The following GNA14 variants were observed in gnomAD, a reference collection of about 807,000 sequenced individuals.
GNA14 encodes guanine nucleotide-binding protein subunit alpha-14.
A neutral mutation model predicts 42.0 loss-of-function variants in GNA14; 50 were observed. The ratio of observed to expected loss-of-function variants is 1.19; its 90% CI spans 0.95 to 1.51. The LOEUF (loss-of-function observed/expected upper bound fraction) is 1.51. Ranked by LOEUF, GNA14 falls within the 40% of genes most tolerant of loss-of-function variation. GNA14 has a pLI of 0.00. For missense variants in GNA14, 473 were observed against 446.2 expected, an observed-to-expected ratio of 1.06 and a Z score of -0.54; for synonymous variants, 173 against 163.1, an observed-to-expected ratio of 1.06 and a Z score of -0.46.
intron 2 of GNA14, among the ~76,000 whole-genome samples, chr9:77,452,241 G>A (rs761313893): frequency 5.9e-5 from 9 of 152,136 alleles, no homozygotes; most frequent in Non-Finnish European, 8.8e-5. Context: ...GACGTGTGAG[G>A]CAGACAGATT....
rs112340519 is a variant in GNA14 at position 77,614,559 on chromosome 9, G to C, written c.124+33111C>G. ...TTCTCAGTCTATGAAACGCCAACAA[G>C]GAGATGGATTCTTCGTTTTCACAAT... On this transcript the variant is annotated intron_variant, in intron 1 of 6. Coordinates refer to ENST00000341700, the MANE Select transcript of GNA14 (RefSeq NM_004297.4). 4.9e-3 allele frequency among the ~76,000 whole-genome samples: 753 copies of C among 152,236 alleles called. 6 individuals are homozygous for C. Among genetic ancestry groups the C allele is most frequent in the African/African-American group, 0.017 (725 of 41,522 alleles).
At chr9:77,544,580 G>A (rs1837697105) in intron 1 of GNA14, among the ~76,000 whole-genome samples, 1 of 150,292 alleles carries the variant, frequency 6.7e-6, no homozygotes, top group East Asian at 2.0e-4. Flanking sequence ...GCATGTGCCT[G>A]TAGACCCAGC....
At chr9:77,582,180 A>T (rs1329077680) in intron 1 of GNA14, among the ~76,000 whole-genome samples, 1 of 152,232 alleles carries the variant, frequency 6.6e-6, no homozygotes, top group African/African-American at 2.4e-5. Flanking sequence ...CCAAGGCAAG[A>T]ACGCTTCCAA....
intron 1 of GNA14, among the ~76,000 whole-genome samples, chr9:77,591,902 C>T (rs926929355): frequency 1.9e-4 from 28 of 144,752 alleles, no homozygotes; most frequent in African/African-American, 6.4e-4. Context: ...TGTCCAGCAC[C>T]GTTTTTTGTT....
chr9:77,634,474 A>G (rs867798889), intron 1 of GNA14, among the ~76,000 whole-genome samples: 2 of 142,382 alleles, frequency 1.4e-5, no homozygotes, highest in Admixed American at 6.9e-5. Context: ...GAAGGAGGGA[A>G]GGAAGGAAGG....
At chr9:77,625,712 C>T (rs547077606) in intron 1 of GNA14, among the ~76,000 whole-genome samples, 173 of 152,260 alleles carry the variant, frequency 1.1e-3, no homozygotes, top group African/African-American at 4.2e-3. Flanking sequence ...ACCAGGCCTG[C>T]CTTAGAAGAG....
rs200703217 is a variant in GNA14 at position 77,634,470 on chromosome 9, G to GGGAA, written c.124+13196_124+13199dup. On this transcript the variant is annotated intron_variant, in intron 1 of 6. Coordinates refer to ENST00000341700, the MANE Select transcript of GNA14 (RefSeq NM_004297.4). Reference sequence around the variant, plus strand: ...AAGCGAAAGGAAAGGAAAGGAAGGAGGGAAGGAAGGAAGGAAGGAAGGAAG... The same window carrying GGGAA: ...AAGCGAAAGGAAAGGAAAGGAAGGAGGGAAGGAAGGAAGGAAGGAAGGAAGGAAG... Among the ~76,000 whole-genome samples, 1,248 of 146,556 alleles carry GGGAA rather than the reference G, an allele frequency of 8.5e-3. 11 individuals carry two copies. The highest frequency in any genetic ancestry group is 0.028 in the African/African-American group (1,123 of 39,970).
intron 1 of GNA14, among the ~76,000 whole-genome samples, chr9:77,603,970 A>G (rs905156510): frequency 1.3e-5 from 2 of 149,918 alleles, no homozygotes; most frequent in Admixed American, 6.6e-5. Flanking sequence ...AAAAAAAAAA[A>G]AAAAAAAAAA....
intron 1 of GNA14, among the ~76,000 whole-genome samples, chr9:77,592,843 A>G (rs1024703018): frequency 2.0e-5 from 3 of 152,216 alleles, no homozygotes; most frequent in East Asian, 1.9e-4. Flanking sequence ...CACAGAACTC[A>G]TAACTGGACT....
At chr9:77,498,394 A>G (rs563162457) in intron 2 of GNA14, among the ~76,000 whole-genome samples, 8 of 148,018 alleles carry the variant, frequency 5.4e-5, no homozygotes, top group African/African-American at 1.5e-4. Context: ...AAAAAGAAAA[A>G]AAAGAAAAAG....
At position 77,456,556 on chromosome 9, in the gene GNA14, A is replaced by C. The variant is rs1836002557; in HGVS notation, c.310-22034T>G. On this transcript the variant is annotated intron_variant, in intron 2 of 6. Transcript: ENST00000341700. Reference sequence around the variant, plus strand: ...GCATTTTCCTTGGTAAGTTATAAACAGGTGTAAGAGAATATCTGACACCAA... The same window carrying C: ...GCATTTTCCTTGGTAAGTTATAAACCGGTGTAAGAGAATATCTGACACCAA... The C allele has an allele frequency of 3.3e-5, 5 of 152,366 alleles. No individual in the cohort carries two copies. In the South Asian group the frequency reaches 8.3e-4, roughly 25 times the overall value. 9.4% of individuals were successfully genotyped at this position (152,366 alleles called of 1,614,324 possible).
intron 1 of GNA14, among the ~76,000 whole-genome samples, chr9:77,609,701 C>T (rs1823699964): frequency 6.6e-6 from 1 of 152,192 alleles, no homozygotes; most frequent in African/African-American, 2.4e-5. Flanking sequence ...ATTTTTCAGG[C>T]AGCCATCACG....
intron 1 of GNA14, among the ~76,000 whole-genome samples, chr9:77,623,614 G>T (rs543820217): frequency 3.9e-5 from 6 of 152,164 alleles, no homozygotes; most frequent in African/African-American, 9.7e-5. Context: ...TGCAACGCAC[G>T]GAGAGTGAGC....
At chr9:77,503,261 G>C (rs1837004383) in intron 2 of GNA14, among the ~76,000 whole-genome samples, 1 of 152,160 alleles carries the variant, frequency 6.6e-6, no homozygotes, top group Non-Finnish European at 1.5e-5. Context: ...CCTCATGGGT[G>C]ATCAACGGTG....
intron 5 of GNA14, among the ~76,000 whole-genome samples, chr9:77,427,970 T>C (rs1438822053): frequency 1.3e-5 from 2 of 152,138 alleles, no homozygotes; most frequent in East Asian, 1.9e-4. Flanking sequence ...TGCTCGGCAT[T>C]GGTTGTGCAG....
intron 1 of GNA14, among the ~76,000 whole-genome samples, chr9:77,645,740 C>T (rs752734089): frequency 2.6e-5 from 4 of 152,190 alleles, no homozygotes; most frequent in African/African-American, 4.8e-5. Flanking sequence ...ATTACCAATA[C>T]AGTACAGCTC....
At chr9:77,639,580 G>C (rs941474930) in intron 1 of GNA14, among the ~76,000 whole-genome samples, 1 of 152,212 alleles carries the variant, frequency 6.6e-6, no homozygotes, top group Non-Finnish European at 1.5e-5. Context: ...GCAGAAGATG[G>C]TCACAGGTGA....
intron 1 of GNA14, among the ~76,000 whole-genome samples, chr9:77,532,321 A>C (rs1016500079): frequency 3.3e-5 from 5 of 152,138 alleles, no homozygotes; most frequent in Non-Finnish European, 5.9e-5. Context: ...CATCGCTCCC[A>C]TCAGCTTACG....
At chr9:77,588,482 C>T (rs1795429200) in intron 1 of GNA14, among the ~76,000 whole-genome samples, 1 of 152,122 alleles carries the variant, frequency 6.6e-6, no homozygotes, top group African/African-American at 2.4e-5. Flanking sequence ...AATGCTTTCC[C>T]CAGGAGCAAG....
Sources: allele counts gnomAD v4.1 joint callset (sites outside exome capture counted in the v4.1 genomes callset), GRCh38; gene constraint gnomAD v4.1.1; transcripts MANE v1.5; gene names NCBI Gene and HGNC (gene_info 2026-07-23, HGNC 2026-07-21).